REV3L: variants seen among roughly 807,000 people sequenced by gnomAD.
The protein encoded by REV3L is REV3 like, DNA directed polymerase zeta catalytic subunit, also known as DNA polymerase zeta catalytic subunit.
In REV3L, 69 loss-of-function variants were observed where a neutral mutation model predicts 299.4. The observed-to-expected ratio is 0.23, with a 90% CI of 0.19 to 0.28. The LOEUF (loss-of-function observed/expected upper bound fraction) is 0.28, where lower values mean the gene tolerates loss of function less well. Ranked by LOEUF, REV3L falls within the 10% of genes least tolerant of loss-of-function variation. The probability of loss-of-function intolerance (pLI) is 1.00; values close to 1 mark genes in which losing one functional copy is unlikely to be tolerated. For missense variants in REV3L, 3,128 were observed against 3,693.8 expected (o/e 0.85, Z 3.97); for synonymous variants, 1,238 against 1,271.4 (o/e 0.97, Z 0.56).
At chr6:111,457,328 GA>G (rs1465691864) in intron 1 of REV3L, among the ~76,000 whole-genome samples, 1 of 151,800 alleles carries the variant, frequency 6.6e-6, no homozygotes, top group Non-Finnish European at 1.5e-5. Context: ...AGAAAAATAA[GA>G]AAATATTTTG....
upstream of REV3L, chr6:111,483,290 G>A (rs1370658650): frequency 4.1e-6 from 2 of 488,244 alleles, no homozygotes; most frequent in East Asian, 3.5e-5. Context: ...GTGCGGGGGA[G>A]GGGGCTCGGC....
chr6:111,374,757 G>A lies in REV3L; in HGVS notation c.3598C>T (p.Leu1200=). 6.2e-7 allele frequency: 1 copy of A among 1,612,170 alleles called. No homozygotes were observed. The highest frequency in any genetic ancestry group is 8.5e-7 in the Non-Finnish European group (1 of 1,179,422). ...GGTTTCTTTTTTCCATCATCTACTA[G>A]TTTATTTGTCTGATTTCGTTTGTTC... The part of the protein sequence containing the change: ...KRNKRNQTNK[L]VDDGKKKPRA... The change falls in exon 13 of 32, where the codon CTA becomes TTA. Residue 1200 remains leucine, a synonymous_variant. Transcript: ENST00000368802.
intron 24 of REV3L, chr6:111,330,824 A>T: frequency 5.5e-6 from 1 of 183,120 alleles, no homozygotes; most frequent in Non-Finnish European, 1.0e-5. Context: ...GATCTCATCT[A>T]CATCAGTCCT....
At chr6:111,417,973 A>G (rs1028605833) in intron 1 of REV3L, among the ~76,000 whole-genome samples, 18 of 152,200 alleles carry the variant, frequency 1.2e-4, no homozygotes, top group Non-Finnish European at 1.9e-4. Context: ...TAAATTTCAT[A>G]GTTTTTCAAT....
chr6:111,377,232 G>A (rs551546052), intron 12 of REV3L, among the ~76,000 whole-genome samples: 5 of 152,168 alleles, frequency 3.3e-5, no homozygotes, highest in African/African-American at 1.2e-4. Flanking sequence ...AAATCCTGAA[G>A]GACGAAACAT....
At chr6:111,302,665 G>A (rs1469836268) in intron 31 of REV3L, among the ~76,000 whole-genome samples, 12 of 152,216 alleles carry the variant, frequency 7.9e-5, no homozygotes, top group Admixed American at 7.9e-4. Flanking sequence ...AGTACTCTGG[G>A]AGGCAGAGGC....
chr6:111,326,154 G>C (rs1774776996), intron 25 of REV3L, among the ~76,000 whole-genome samples: 1 of 152,062 alleles, frequency 6.6e-6, no homozygotes, highest in South Asian at 2.1e-4. Context: ...AAGCTAAAAA[G>C]CTTCTGCACA....
Position 111,319,330 on chromosome 6 carries a change from G to A in REV3L, c.8351+3239C>T, listed in dbSNP as rs1050242762. Among the ~76,000 whole-genome samples the A allele has an allele frequency of 2.6e-5, 4 of 152,074 alleles. No homozygotes were observed. The East Asian group carries it at 5.8e-4, about 22-fold the overall frequency. On this transcript the variant is annotated intron_variant, in intron 26 of 31. Coordinates refer to ENST00000368802, the MANE Select transcript of REV3L (RefSeq NM_001372078.1). Reference sequence around the variant, plus strand: ...ACAAAAATTAGCTGGGCATGGTGGCGCATGCCTGTAGTCCCAGCTACTCAG... The same window carrying A: ...ACAAAAATTAGCTGGGCATGGTGGCACATGCCTGTAGTCCCAGCTACTCAG...
At chr6:111,423,155 C>T (rs1785769132) in intron 1 of REV3L, among the ~76,000 whole-genome samples, 1 of 152,138 alleles carries the variant, frequency 6.6e-6, no homozygotes, top group Non-Finnish European at 1.5e-5. Flanking sequence ...CAGCCACTAA[C>T]TTCATGACTA....
In REV3L at chr6:111,373,682, T is replaced by G. The variant is rs760998610; in HGVS notation, c.4673A>C (p.Asn1558Thr). The change falls in exon 13 of 32, where the codon AAT becomes ACT. Residue 1558 changes from asparagine to threonine, a missense_variant. Transcript: ENST00000368802. ...QDPLSNKHQP[N>T]KNISGSLEHN... Reference sequence around the variant, plus strand: ...CTCAAGGGAACCAGAAATATTTTTATTTGGTTGATGTTTATTGGATAATGG... The same window carrying G: ...CTCAAGGGAACCAGAAATATTTTTAGTTGGTTGATGTTTATTGGATAATGG... 1 of 1,614,050 alleles carries G rather than the reference T, an allele frequency of 6.2e-7. No homozygotes were observed. Among genetic ancestry groups the G allele is most frequent in the South Asian group, 1.1e-5 (1 of 91,044 alleles).
chr6:111,301,046 C>T (rs924563253), intron 31 of REV3L, among the ~76,000 whole-genome samples: 14 of 152,250 alleles, frequency 9.2e-5, no homozygotes, highest in African/African-American at 2.9e-4. Flanking sequence ...GGAATAACCC[C>T]GGGAAAACGA....
In REV3L at chr6:111,376,701, T is replaced by C. The variant is rs1288494492; in HGVS notation, c.1654A>G (p.Lys552Glu). 6.2e-7 allele frequency: 1 copy of C among 1,605,430 alleles called. No homozygotes were observed. The highest frequency in any genetic ancestry group is 1.7e-5 in the Admixed American group (1 of 59,694). The change falls in exon 13 of 32, where the codon AAG (lysine) becomes GAG (glutamate). Residue 552 changes from lysine to glutamate, a missense_variant. This residue lies in a region of REV3L where 2,409 missense variants were observed against 2,611.8 expected (regional missense o/e 0.92). Transcript: ENST00000368802. ...RTHSSVIATS[K>E]LSVKPSIFHK... is the part of the protein sequence containing the mutation. ...AAGATGGAGGGTTTAACTGAAAGCTTGCTTGTTGCAATTACAGAAGAGTGG... is the reference window on the plus strand; with the variant it reads ...AAGATGGAGGGTTTAACTGAAAGCTCGCTTGTTGCAATTACAGAAGAGTGG...
chr6:111,379,545 TTTTA>T (rs957505771), intron 11 of REV3L, among the ~76,000 whole-genome samples: 3 of 152,220 alleles, frequency 2.0e-5, no homozygotes, highest in Admixed American at 6.5e-5. Flanking sequence ...CTTCTTAGTC[TTTTA>T]TTTATTTGTT....
chr6:111,415,867 T>G (rs1436042401), intron 2 of REV3L, among the ~76,000 whole-genome samples: 1 of 152,178 alleles, frequency 6.6e-6, no homozygotes, highest in Non-Finnish European at 1.5e-5. Flanking sequence ...ATATAGCAAA[T>G]AAATTAATTT....
chr6:111,356,898 G>T, intron 18 of REV3L, 116 bp downstream of exon 18: 1 of 471,476 alleles, frequency 2.1e-6, no homozygotes, highest in Admixed American at 3.4e-5. Context: ...GCTTTCAAGG[G>T]TCATAGGAAG....
At chr6:111,370,721 A>G in intron 13 of REV3L, among the ~76,000 whole-genome samples, 1 of 152,186 alleles carries the variant, frequency 6.6e-6, no homozygotes, top group South Asian at 2.1e-4. Flanking sequence ...ATATTTTAAC[A>G]GCTTTAGGTT....
In REV3L at chr6:111,376,111, T is replaced by A. The variant is rs773925684; in HGVS notation, c.2244A>T (p.Ser748=). Residue 748 remains serine, a synonymous_variant, in exon 13 of 32, where the codon TCA becomes TCT. Transcript: ENST00000368802. ...CCATAGTTCTATTCTCCCCTGAGCA[T>A]GACAGTAATTCACAATTTTCAGTAA... The part of the protein sequence containing the change: ...SSFTENCELL[S]CSGENRTMVH... 1.2e-5 allele frequency: 19 copies of A among 1,613,312 alleles called. No homozygotes were observed. In the African/African-American group the frequency reaches 2.4e-4, roughly 20 times the overall value.
At chr6:111,416,513 G>GT in intron 1 of REV3L, 41 bp from the exon 2 acceptor site, 1 of 1,462,326 alleles carries the variant, frequency 6.8e-7, no homozygotes, top group South Asian at 1.2e-5. Flanking sequence ...TCCAGACACA[G>GT]TTTAACAATA....
At chr6:111,343,869 A>G in intron 21 of REV3L, 56 bp downstream of exon 21, 2 of 1,216,054 alleles carry the variant, frequency 1.6e-6, no homozygotes, top group East Asian at 2.4e-5. Flanking sequence ...TATTACATAT[A>G]AATTACATCT....
Sources: allele counts gnomAD v4.1 joint callset (sites outside exome capture counted in the v4.1 genomes callset), GRCh38; gene constraint gnomAD v4.1.1; regional missense constraint gnomAD v4.1.1; transcripts MANE v1.5; gene names NCBI Gene and HGNC (gene_info 2026-07-23, HGNC 2026-07-21).